The following RIPOR2 variants were observed in gnomAD, a reference collection of about 807,000 sequenced individuals.
RIPOR2 encodes the protein RHO family interacting cell polarization regulator 2, also known as rho family-interacting cell polarization regulator 2.
In RIPOR2, 39 loss-of-function variants were observed where a neutral mutation model predicts 114.5. The observed-to-expected ratio is 0.34, with a 90% CI of 0.26 to 0.44. The LOEUF (loss-of-function observed/expected upper bound fraction) is 0.44, where lower values mean the gene tolerates loss of function less well. RIPOR2 is among the 20% of genes least tolerant of loss of function. The pLI is 1.00. For missense variants in RIPOR2, 1,007 were observed against 1,255.1 expected (o/e 0.80, Z 2.99); for synonymous variants, 445 against 484.4 (o/e 0.92, Z 1.07).
In RIPOR2 at chr6:24,835,842, C is replaced by T. The variant is rs1305116034; in HGVS notation, c.2069G>A (p.Gly690Glu). The change falls in exon 15 of 22, where the codon GGG becomes GAG. Residue 690 changes from glycine (G) to glutamate (E), a missense_variant. Coordinates refer to ENST00000643898, the MANE Select transcript of RIPOR2 (RefSeq NM_001286445.3). ...SYRSVHPEAR[G>E]HLSEALTEDT... ...TTCAGTGAGCGCTTCACTGAGATGCCCCCTGGCTTCTGGGTGAACCGACCT... is the reference window on the plus strand; with the variant it reads ...TTCAGTGAGCGCTTCACTGAGATGCTCCCTGGCTTCTGGGTGAACCGACCT... 3 of 1,551,454 alleles carry T rather than the reference C, an allele frequency of 1.9e-6. No individual in the cohort carries two copies. Among genetic ancestry groups the T allele is most frequent in the Admixed American group, 2.0e-5 (1 of 50,992 alleles).
intron 1 of RIPOR2, among the ~76,000 whole-genome samples, chr6:24,979,823 A>C (rs1029742921): frequency 6.6e-6 from 1 of 152,222 alleles, no homozygotes; most frequent in African/African-American, 2.4e-5. Flanking sequence ...CCATTTAACT[A>C]CTTACTGCCT....
intron 1 of RIPOR2, among the ~76,000 whole-genome samples, chr6:24,908,956 T>G (rs1174337689): frequency 6.6e-6 from 1 of 152,216 alleles, no homozygotes; most frequent in Non-Finnish European, 1.5e-5. Context: ...GATAAAATAT[T>G]CAAAGCGAAA....
chr6:25,008,121 G>C (rs1263149996), intron 1 of RIPOR2, among the ~76,000 whole-genome samples: 1 of 152,168 alleles, frequency 6.6e-6, no homozygotes, highest in African/African-American at 2.4e-5. Context: ...GTAGCTGAAT[G>C]ATGGTCCCCC....
At chr6:24,857,958 C>T (rs1349353043) in intron 8 of RIPOR2, among the ~76,000 whole-genome samples, 3 of 152,180 alleles carry the variant, frequency 2.0e-5, no homozygotes, top group African/African-American at 4.8e-5. Flanking sequence ...TCAGCCACAC[C>T]GGTCTACTTG....
chr6:24,936,052 T>A, upstream of RIPOR2: 3 of 601,570 alleles, frequency 5.0e-6, no homozygotes, highest in Non-Finnish European at 8.8e-6. Flanking sequence ...TTCATTCATA[T>A]GAATAGGCTT....
At position 24,883,734 on chromosome 6, in the gene RIPOR2, C is replaced by T. The variant is rs966079222; in HGVS notation, c.62-7917G>A. ...AAAAGCTGAATCAGTAAGCAACCAGCTGAGAGTTGCTTTCGTGATTTGATC... is the reference window on the plus strand; with the variant it reads ...AAAAGCTGAATCAGTAAGCAACCAGTTGAGAGTTGCTTTCGTGATTTGATC... On this transcript the variant is annotated intron_variant, in intron 1 of 21. Coordinates refer to ENST00000643898, the MANE Select transcript of RIPOR2 (RefSeq NM_001286445.3). This position sits in a 1 kb window ranked among gnomAD's most constrained non-coding sequence, Gnocchi z 4.1. 6.6e-6 allele frequency among the ~76,000 whole-genome samples: 1 copy of T among 152,182 alleles called. No homozygotes were observed. Among genetic ancestry groups the T allele is most frequent in the African/African-American group, 2.4e-5 (1 of 41,434 alleles).
intron 1 of RIPOR2, among the ~76,000 whole-genome samples, chr6:25,007,387 A>G (rs916841157): frequency 6.6e-6 from 1 of 152,120 alleles, no homozygotes; most frequent in Non-Finnish European, 1.5e-5. Flanking sequence ...CATTCTCATC[A>G]CTGACACTGC....
intron 1 of RIPOR2, chr6:25,015,534 T>C (rs1561844332): frequency 6.6e-6 from 1 of 152,246 alleles, no homozygotes; most frequent in Non-Finnish European, 1.5e-5. Flanking sequence ...GATTGTGTCA[T>C]ATTTTTAACC....
chr6:24,983,756 CA>C (rs34480037), intron 1 of RIPOR2, among the ~76,000 whole-genome samples: 8,541 of 46,042 alleles, frequency 0.19, 120 homozygotes, highest in East Asian at 0.42. Flanking sequence ...GACTGTGTCT[CA>C]AAAAAAAAAA....
At chr6:25,016,404 A>G (rs1022924214) in intron 1 of RIPOR2, among the ~76,000 whole-genome samples, 6 of 152,220 alleles carry the variant, frequency 3.9e-5, no homozygotes, top group African/African-American at 1.2e-4. Flanking sequence ...CATCCCCTCC[A>G]TTAGTCTTGA....
At position 24,807,398 on chromosome 6, in the gene RIPOR2, G is replaced by A. The variant is rs567142161; in HGVS notation, c.3044-925C>T. Among the ~76,000 whole-genome samples the A allele has an allele frequency of 4.6e-5, 7 of 152,286 alleles. No individual in the cohort carries two copies. The South Asian group carries it at 1.2e-3, about 27-fold the overall frequency. ...TGAGGCAGGAGAATTGCTTGAACTC[G>A]GGGGCAGAGGTTGCAATGAGACGAG... On this transcript the variant is annotated intron_variant, in intron 21 of 21. Transcript: ENST00000643898.
chr6:24,841,678 C>T (rs917679985), intron 13 of RIPOR2, among the ~76,000 whole-genome samples: 36 of 149,950 alleles, frequency 2.4e-4, no homozygotes, highest in Admixed American at 7.3e-4. Context: ...AGTGCAGTGA[C>T]GTGATCTCGG....
intron 1 of RIPOR2, among the ~76,000 whole-genome samples, chr6:24,960,407 A>T (rs1442107983): frequency 6.6e-6 from 1 of 152,182 alleles, no homozygotes; most frequent in Admixed American, 6.5e-5. Context: ...TTTATAAGGC[A>T]CTAGTCTCAT....
intron 1 of RIPOR2, among the ~76,000 whole-genome samples, chr6:24,981,167 G>A (rs2113582990): frequency 6.6e-6 from 1 of 152,290 alleles, no homozygotes; most frequent in East Asian, 1.9e-4. Context: ...TTCAAGGGCT[G>A]CTTTCTATGT....
At chr6:24,850,330 A>G (rs1762760157) in intron 10 of RIPOR2, among the ~76,000 whole-genome samples, 1 of 152,138 alleles carries the variant, frequency 6.6e-6, no homozygotes, top group Admixed American at 6.5e-5. Context: ...CCTGGGCTCA[A>G]GTGATCCACC....
chr6:24,973,290 G>T (rs1466343844), intron 1 of RIPOR2, among the ~76,000 whole-genome samples: 1 of 151,990 alleles, frequency 6.6e-6, no homozygotes, highest in African/African-American at 2.4e-5. Context: ...CTCATTACTG[G>T]GTATATATCC....
At chr6:24,913,129 C>T (rs1769799096) in intron 1 of RIPOR2, among the ~76,000 whole-genome samples, 1 of 149,770 alleles carries the variant, frequency 6.7e-6, no homozygotes, top group Non-Finnish European at 1.5e-5. Flanking sequence ...GAGGTTTGGG[C>T]ATGACTGTGG....
chr6:24,839,447 G>A lies in RIPOR2; in HGVS notation c.1858-175C>T. ...ATATCCAAAAAAGAAGTACAACCAT[G>A]GATAAAATGGCACAATATCTGGGAC... On this transcript the variant is annotated intron_variant, in intron 13 of 21. Transcript: ENST00000643898. 6 of 1,435,748 alleles carry A rather than the reference G, an allele frequency of 4.2e-6. No individual in the cohort carries two copies. The South Asian group carries it at 7.2e-5, about 17-fold the overall frequency. 88.9% of individuals were successfully genotyped at this position (1,435,748 alleles called of 1,614,324 possible).
At chr6:24,903,147 A>G (rs1014589244) in intron 1 of RIPOR2, among the ~76,000 whole-genome samples, 1 of 152,044 alleles carries the variant, frequency 6.6e-6, no homozygotes, top group Non-Finnish European at 1.5e-5. Context: ...CTTTCTTATC[A>G]TCTCAGGTCT....
Sources: gnomAD v4.1 joint callset for allele counts (sites outside exome capture counted in the v4.1 genomes callset) on GRCh38, gnomAD v4.1.1 for gene constraint, Gnocchi (gnomAD v3.1) non-coding constraint, MANE v1.5 for transcripts, NCBI Gene and HGNC (gene_info 2026-07-23, HGNC 2026-07-21) for gene names.